FGD2: variants seen among roughly 807,000 people sequenced by gnomAD.
FGD2 encodes FYVE, RhoGEF and PH domain containing 2.
FGD2 carries 52 observed loss-of-function variants against 75.9 expected under a neutral mutation model. That is an observed-to-expected ratio of 0.69 (90% CI 0.55 to 0.86). FGD2 has a LOEUF of 0.86. Ranked by LOEUF, FGD2 falls within the 40% of genes least tolerant of loss-of-function variation. FGD2 has a pLI of 0.00. For synonymous variants in FGD2, 347 were observed against 348.6 expected (o/e 1.00, Z 0.05); for missense variants, 790 against 872.0 (o/e 0.91, Z 1.18).
chr6:37,014,109 A>AC lies in FGD2; in HGVS notation c.823+14dup, dbSNP rs1561930984. 6.2e-7 allele frequency: 1 copy of AC among 1,612,794 alleles called. No homozygotes were observed. The stretch of plus-strand genomic sequence containing the variant: ...CCAGGCCGATGCCCAGAGTGAGGAC[A>AC]CCCCCAGGGGTCCCAGGGGGCTGAG... On this transcript the variant is annotated intron_variant, in intron 6 of 15. Transcript: ENST00000274963.
chr6:37,021,641 C>G (rs1336034216), intron 12 of FGD2, 37 bp downstream of exon 12: 1 of 1,562,032 alleles, frequency 6.4e-7, no homozygotes, highest in Non-Finnish European at 8.8e-7. Flanking sequence ...CTGGAGCCAC[C>G]AACCCAAATA....
rs777897004 is a variant in FGD2, at chr6:37,014,013, G to C, written c.736G>C (p.Val246Leu). ...CCTGCAGCACCACATGCTGGAACCA[G>C]TGCAGAGAATTCCACGTTACGAGCT... ...LTLQHHMLEP[V>L]QRIPRYELLL... Residue 246 changes from valine (V) to leucine (L), a missense_variant, in exon 6 of 16, where the codon GTG becomes CTG. Val to Leu is a conservative substitution (Grantham distance 32). Coordinates refer to ENST00000274963, the MANE Select transcript of FGD2 (RefSeq NM_173558.4). 1 of 1,614,114 alleles carries C rather than the reference G, an allele frequency of 6.2e-7. No individual in the cohort carries two copies. Among genetic ancestry groups the C allele is most frequent in the Non-Finnish European group, 8.5e-7 (1 of 1,179,992 alleles).
At position 37,014,056 on chromosome 6, in the gene FGD2, T is replaced by C; in HGVS notation, c.779T>C (p.Ile260Thr). 6.2e-7 allele frequency: 1 copy of C among 1,614,056 alleles called. No homozygotes were observed. Among genetic ancestry groups the C allele is most frequent in the East Asian group, 2.2e-5 (1 of 44,876 alleles). The part of the protein sequence containing the change: ...PRYELLLKEY[I>T]QKLPAQAPDQ... ...TACGAGCTGCTGCTCAAGGAGTACA[T>C]CCAGAAGCTGCCAGCCCAGGCCCCA... The change falls in exon 6 of 16, where the codon ATC (isoleucine) becomes ACC (threonine). Residue 260 changes from isoleucine to threonine, a missense_variant. Transcript: ENST00000274963.
rs200327931 is a variant in FGD2 at position 37,027,556 on chromosome 6, A to G, written c.1733A>G (p.Tyr578Cys). The G allele has an allele frequency of 1.2e-6, 2 of 1,613,898 alleles. No homozygotes were observed. The highest frequency in any genetic ancestry group is 2.2e-5 in the East Asian group (1 of 44,846). Reference sequence around the variant, plus strand: ...CCTCGGGATGACCCCCTCGTGCTCTATGTCTATGCTGCCCCTCAGGTAAGG... The same window carrying G: ...CCTCGGGATGACCCCCTCGTGCTCTGTGTCTATGCTGCCCCTCAGGTAAGG... ...VIPRDDPLVL[Y>C]VYAAPQDMRA... Residue 578 changes from tyrosine (Y) to cysteine (C), a missense_variant, in exon 15 of 16, where the codon TAT becomes TGT. Tyr to Cys is a radical substitution (Grantham distance 194). Transcript: ENST00000274963.
rs180994018 is a variant in FGD2, at chr6:37,026,082, T to G, written c.1605+144T>G. On this transcript the variant is annotated intron_variant, in intron 14 of 15. Coordinates refer to ENST00000274963, the MANE Select transcript of FGD2 (RefSeq NM_173558.4). ...TCCCCCCTCTCCCTCTTCCTCTCTCTGCCCACAGACCCCAGGCCTCTCGCC... is the reference window on the plus strand; with the variant it reads ...TCCCCCCTCTCCCTCTTCCTCTCTCGGCCCACAGACCCCAGGCCTCTCGCC... 28 of 1,460,836 alleles carry G rather than the reference T, an allele frequency of 1.9e-5. No homozygotes were observed. The Admixed American group carries it at 4.8e-4, about 25-fold the overall frequency. 90.5% of individuals were successfully genotyped at this position (1,460,836 alleles called of 1,614,324 possible). A position where few individuals can be genotyped will look rare whatever the true frequency, so the allele number is the denominator to read the frequency against.
In FGD2 at chr6:37,013,619, C is replaced by A; in HGVS notation, c.538C>A (p.Pro180Thr). ...GTGCCCCTCCTGCAGGACAGCTAAC[C>A]CCCGCATCGGTGACGTGATCCAGAA... ...QRRLDDWTAN[P>T]RIGDVIQKLA... Residue 180 changes from proline (P) to threonine (T), a missense_variant, in exon 5 of 16, where the codon CCC (proline) becomes ACC (threonine). Transcript: ENST00000274963. The A allele has an allele frequency of 6.2e-7, 1 of 1,613,842 alleles. No individual in the cohort carries two copies. The highest frequency in any genetic ancestry group is 8.5e-7 in the Non-Finnish European group (1 of 1,179,836).
intron 4 of FGD2, chr6:37,013,306 C>T: frequency 2.6e-6 from 1 of 380,572 alleles, no homozygotes. Context: ...TGGTAGGTAG[C>T]CCTCGTTATT....
intron 14 of FGD2, chr6:37,026,190 T>C (rs950538467): frequency 2.2e-5 from 22 of 985,322 alleles, no homozygotes; most frequent in African/African-American, 3.5e-5. Context: ...CTGCACTTCC[T>C]CTATGTCCCC....
At chr6:37,022,734 T>TGCCCTACCTGGGCCTCTACCC (rs1765653490) in intron 13 of FGD2, 1 of 220,384 alleles carries the variant, frequency 4.5e-6, no homozygotes, top group African/African-American at 2.3e-5. Flanking sequence ...GGCCTCTACC[T>TGCCCTACCTGGGCCTCTACCC]GCCCTACCTG....
intron 9 of FGD2, among the ~76,000 whole-genome samples, chr6:37,017,584 C>A (rs1765361875): frequency 6.6e-6 from 1 of 152,192 alleles, no homozygotes; most frequent in South Asian, 2.1e-4. Flanking sequence ...GCCAGAGAAG[C>A]TTCCTGACCA....
chr6:37,005,749 G>C lies in FGD2; in HGVS notation c.-69G>C. ...CTATCTGTCCCAGGCCAGCGTGGCT[G>C]AGTGTGCTGGCTGGAGGCCTCTCTC... is the stretch of plus-strand genomic sequence containing the variant. On this transcript the variant is annotated 5_prime_UTR_variant, in exon 1 of 16. Coordinates refer to ENST00000274963, the MANE Select transcript of FGD2 (RefSeq NM_173558.4). 1 of 1,544,454 alleles carries C rather than the reference G, an allele frequency of 6.5e-7. No individual in the cohort carries two copies. The highest frequency in any genetic ancestry group is 8.9e-7 in the Non-Finnish European group (1 of 1,122,718).
intron 9 of FGD2, among the ~76,000 whole-genome samples, chr6:37,017,124 T>G (rs1265357958): frequency 6.6e-6 from 1 of 152,116 alleles, no homozygotes; most frequent in Non-Finnish European, 1.5e-5. Flanking sequence ...TTTAACTAAC[T>G]GCAAATGCTG....
intron 14 of FGD2, 67 bp from the exon 15 acceptor site, chr6:37,027,362 G>A (rs1007348908): frequency 6.5e-7 from 1 of 1,537,656 alleles, no homozygotes. Flanking sequence ...TGATTGTCAA[G>A]CCCCCAGACC....
chr6:37,013,917 C>T lies in FGD2; in HGVS notation c.685-45C>T, dbSNP rs367645913. The T allele has an allele frequency of 3.7e-4, 590 of 1,600,600 alleles. 1 individual carries two copies. The highest frequency in any genetic ancestry group is 4.4e-4 in the Non-Finnish European group (512 of 1,171,986). On this transcript the variant is annotated intron_variant, in intron 5 of 15. Transcript: ENST00000274963. ...CCCTCAGGAGCAGCCTGACCCACCT[C>T]CCTTCTCTCACCCTCTCCGTGTTGC... is the stretch of plus-strand genomic sequence containing the variant.
rs757325366 is a variant in FGD2, at chr6:37,022,268, A to G, written c.1356A>G (p.Ala452=). The change falls in exon 13 of 16, where the codon GCA becomes GCG. Residue 452 remains alanine (A), a synonymous_variant. Coordinates refer to ENST00000274963, the MANE Select transcript of FGD2 (RefSeq NM_173558.4). ...AGTCTGAGGAGCTGGGCCTCCGGGC[A>G]CCGCAGTGGGTCCGGGACAAGATGG... ...ELQSEELGLR[A]PQWVRDKMVT... The G allele has an allele frequency of 6.3e-7, 1 of 1,592,996 alleles. No homozygotes were observed. The highest frequency in any genetic ancestry group is 2.3e-5 in the East Asian group (1 of 43,114).
At position 37,020,732 on chromosome 6, in the gene FGD2, G is replaced by A. The variant is rs1765537603; in HGVS notation, c.1226G>A (p.Trp409Ter). 7 of 1,568,594 alleles carry A rather than the reference G, an allele frequency of 4.5e-6. No individual in the cohort carries two copies. The highest frequency in any genetic ancestry group is 6.1e-6 in the Non-Finnish European group (7 of 1,155,092). The change falls in exon 11 of 16, where the codon TGG (tryptophan) becomes TAG (stop). Residue 409 changes from tryptophan to a stop codon, truncating the protein, a stop_gained. Transcript: ENST00000274963. LOFTEE classifies it high-confidence loss of function. The part of the protein sequence containing the change: ...QARSQEEMIS[W>*]MQAFQAAIDQ... ...AGGTCCCAGGAGGAAATGATTTCCT[G>A]GATGCAGGTATGGGAACGCTCCGAG...
At chr6:37,027,049 C>G (rs1319449946) in intron 14 of FGD2, among the ~76,000 whole-genome samples, 9 of 152,098 alleles carry the variant, frequency 5.9e-5, no homozygotes, top group Non-Finnish European at 1.0e-4. Context: ...GCATCCACCC[C>G]GTTTCCAATC....
At chr6:37,014,552 G>A in intron 6 of FGD2, 94 bp from the exon 7 acceptor site, 1 of 1,440,424 alleles carries the variant, frequency 6.9e-7, no homozygotes, top group Non-Finnish European at 9.5e-7. Flanking sequence ...GTCATGGCAG[G>A]TCCTGAGGGC....
At chr6:37,021,867 AG>A in intron 12 of FGD2, 1 of 494,114 alleles carries the variant, frequency 2.0e-6, no homozygotes, top group Non-Finnish European at 3.6e-6. Context: ...TGCAGGGGGC[AG>A]TAGGGTTTTG....
Sources: allele counts gnomAD v4.1 joint callset (sites outside exome capture counted in the v4.1 genomes callset), GRCh38; gene constraint gnomAD v4.1.1; transcripts MANE v1.5; gene names NCBI Gene and HGNC (gene_info 2026-07-23, HGNC 2026-07-21).